TEAD4: variants seen among roughly 807,000 people sequenced by gnomAD.
TEAD4 encodes TEA domain transcription factor 4.
In TEAD4, 36 loss-of-function variants were observed where a neutral mutation model predicts 52.4. The observed-to-expected ratio is 0.69, with a 90% confidence interval of 0.53 to 0.91. TEAD4 has a LOEUF of 0.91. Among genes scored for constraint, TEAD4 ranks in the 40% least tolerant of loss-of-function variants. The probability of loss-of-function intolerance (pLI) is 0.00; values close to 1 mark genes in which losing one functional copy is unlikely to be tolerated. For synonymous variants in TEAD4, 220 were observed against 231.0 expected, an observed-to-expected ratio of 0.95 and a Z score of 0.43; for missense variants, 508 against 583.9, an observed-to-expected ratio of 0.87 and a Z score of 1.34.
intron 2 of TEAD4, among the ~76,000 whole-genome samples, chr12:2,985,575 G>T (rs550366259): frequency 8.0e-6 from 1 of 125,620 alleles, no homozygotes; most frequent in Non-Finnish European, 1.6e-5. Context: ...GCACGATCTC[G>T]GCTCACTGCA....
chr12:2,995,695 G>A (rs1294420036), intron 3 of TEAD4, among the ~76,000 whole-genome samples: 6 of 152,170 alleles, frequency 3.9e-5, no homozygotes, highest in Admixed American at 2.6e-4. Context: ...GGATGGAAGA[G>A]GGGGCATCTG....
rs1267350898 is a variant in TEAD4, at chr12:3,011,080, G to A, written c.291+12G>A. The A allele has an allele frequency of 6.2e-7, 1 of 1,614,074 alleles. No individual in the cohort carries two copies. The highest frequency in any genetic ancestry group is 1.1e-5 in the South Asian group (1 of 91,074). On this transcript the variant is annotated intron_variant, in intron 4 of 12. Transcript: ENST00000359864. ...GCACCAGGAAGCAGGTGGGCCTCAA[G>A]AGACGGGTAGGGGTCCCGGGGGTGG...
chr12:3,022,660 C>T (rs1029058582), intron 10 of TEAD4, among the ~76,000 whole-genome samples: 5 of 152,116 alleles, frequency 3.3e-5, no homozygotes, highest in Admixed American at 2.0e-4. Context: ...TGTCTGAGGC[C>T]GGGAGGTACA....
rs2098245867 is a variant in TEAD4 at position 2,994,797 on chromosome 12, A to G, written c.31A>G (p.Asn11Asp). 1.2e-6 allele frequency: 2 copies of G among 1,613,472 alleles called. No homozygotes were observed. The highest frequency in any genetic ancestry group is 2.2e-5 in the East Asian group (1 of 44,856). The change falls in exon 3 of 13, where the codon AAC (asparagine) becomes GAC (aspartate). Residue 11 changes from asparagine (N) to aspartate (D), a missense_variant. Asn to Asp is a conservative substitution (Grantham distance 23). Coordinates refer to ENST00000359864, the MANE Select transcript of TEAD4 (RefSeq NM_003213.4). This position sits in a 1 kb window ranked among gnomAD's most constrained non-coding sequence, Gnocchi z 4.7. The stretch of plus-strand genomic sequence containing the variant: ...GGGCACGGCCGGCACCATTACCTCC[A>G]ACGAGTGGAGCTCTCCCACCTCCCC...
chr12:2,998,750 G>A (rs1034198363), intron 3 of TEAD4, among the ~76,000 whole-genome samples: 2 of 152,140 alleles, frequency 1.3e-5, no homozygotes, highest in African/African-American at 4.8e-5. Context: ...AGTTGGAAGT[G>A]GAGAGTGGGG....
At chr12:2,979,528 A>T (rs969388288) in intron 2 of TEAD4, among the ~76,000 whole-genome samples, 1 of 152,266 alleles carries the variant, frequency 6.6e-6, no homozygotes, top group African/African-American at 2.4e-5. Flanking sequence ...CGCGTCAGGC[A>T]GTGAGAATTT....
At chr12:2,991,624 T>C (rs1380436984) in intron 2 of TEAD4, among the ~76,000 whole-genome samples, 4 of 152,126 alleles carry the variant, frequency 2.6e-5, no homozygotes, top group Non-Finnish European at 5.9e-5. Flanking sequence ...ATTGTACCAT[T>C]GCCCACCAGC....
intron 5 of TEAD4, among the ~76,000 whole-genome samples, chr12:3,016,265 C>G (rs2098264403): frequency 6.6e-6 from 1 of 152,038 alleles, no homozygotes; most frequent in African/African-American, 2.4e-5. Context: ...TGGGCTCAAG[C>G]GATCTACCAA....
chr12:2,971,367 A>G (rs1018893774), intron 2 of TEAD4, among the ~76,000 whole-genome samples: 12 of 152,314 alleles, frequency 7.9e-5, no homozygotes, highest in South Asian at 2.1e-4. Flanking sequence ...ATCCTTGAGA[A>G]GACAGAGAAA....
Position 3,040,568 on chromosome 12 carries a change from G to A in TEAD4, c.*90G>A. On this transcript the variant is annotated 3_prime_UTR_variant, in exon 13 of 13. Coordinates refer to ENST00000359864, the MANE Select transcript of TEAD4 (RefSeq NM_003213.4). The stretch of plus-strand genomic sequence containing the variant: ...ACCTGCAGGGGCAGCCCCCTGAAGT[G>A]CCAAGAGAGCTGAGAGGAGCAGTTG... 1 of 1,178,064 alleles carries A rather than the reference G, an allele frequency of 8.5e-7. No individual in the cohort carries two copies. Among genetic ancestry groups the A allele is most frequent in the East Asian group, 2.5e-5 (1 of 40,518 alleles). 73.0% of individuals were successfully genotyped at this position (1,178,064 alleles called of 1,614,324 possible).
rs1200515132 is a variant in TEAD4 at position 2,959,639 on chromosome 12, C to G, written c.-123+158C>G. Among the ~76,000 whole-genome samples the G allele has an allele frequency of 6.6e-6, 1 of 150,862 alleles. No homozygotes were observed. Among genetic ancestry groups the G allele is most frequent in the Non-Finnish European group, 1.5e-5 (1 of 67,636 alleles). ...CCTCTGCGCTCCGACGCGCTCCGTCCCGACCTCTGGCTTCCCTCCGCGCTC... is the reference window on the plus strand; with the variant it reads ...CCTCTGCGCTCCGACGCGCTCCGTCGCGACCTCTGGCTTCCCTCCGCGCTC... On this transcript the variant is annotated intron_variant, in intron 1 of 12. Transcript: ENST00000359864. The surrounding 1 kb of genome is among the most constrained non-coding windows in gnomAD (Gnocchi z 5.1).
chr12:3,009,123 C>T (rs1243875417), intron 3 of TEAD4, among the ~76,000 whole-genome samples: 1 of 152,216 alleles, frequency 6.6e-6, no homozygotes, highest in Non-Finnish European at 1.5e-5. Context: ...CTTAAAGGAA[C>T]TAGATTTAAG....
At chr12:3,014,278 G>A (rs545196060) in intron 5 of TEAD4, among the ~76,000 whole-genome samples, 13 of 152,212 alleles carry the variant, frequency 8.5e-5, no homozygotes, top group Non-Finnish European at 1.8e-4. Context: ...CCACTACTGG[G>A]TTTAGGGCAA....
intron 2 of TEAD4, among the ~76,000 whole-genome samples, chr12:2,988,826 T>C (rs1399716829): frequency 6.6e-6 from 1 of 152,158 alleles, no homozygotes; most frequent in Non-Finnish European, 1.5e-5. Context: ...CTAGAAGGAC[T>C]GTGTTCGAGG....
intron 10 of TEAD4, among the ~76,000 whole-genome samples, chr12:3,023,510 A>G (rs2098270042): frequency 6.6e-6 from 1 of 152,080 alleles, no homozygotes; most frequent in Admixed American, 6.5e-5. Flanking sequence ...ATGAAGGGCC[A>G]GTTGCGGTGG....
chr12:3,032,637 C>T (rs977516178), intron 10 of TEAD4, among the ~76,000 whole-genome samples: 1 of 152,156 alleles, frequency 6.6e-6, no homozygotes, highest in Non-Finnish European at 1.5e-5. Context: ...CGCTGAAGAC[C>T]CCGTGTATGT....
intron 2 of TEAD4, among the ~76,000 whole-genome samples, chr12:2,974,332 A>G (rs917578452): frequency 2.0e-5 from 3 of 152,210 alleles, no homozygotes; most frequent in Non-Finnish European, 4.4e-5. Context: ...AATGTCTGAA[A>G]CATCATAATC....
At chr12:2,995,129 C>G in intron 3 of TEAD4, 137 bp downstream of exon 3, 1 of 1,172,198 alleles carries the variant, frequency 8.5e-7, no homozygotes. Flanking sequence ...TTTCTTCCCT[C>G]CTGGGCTCCC....
At chr12:3,007,537 A>G (rs1375778641) in intron 3 of TEAD4, among the ~76,000 whole-genome samples, 2 of 152,234 alleles carry the variant, frequency 1.3e-5, no homozygotes, top group Admixed American at 6.5e-5. Context: ...GTTAGGACCC[A>G]GCACTTACAT....
Sources: gnomAD v4.1 joint callset for allele counts (sites outside exome capture counted in the v4.1 genomes callset) on GRCh38, gnomAD v4.1.1 for gene constraint, Gnocchi (gnomAD v3.1) non-coding constraint, MANE v1.5 for transcripts, NCBI Gene and HGNC (gene_info 2026-07-23, HGNC 2026-07-21) for gene names.